SPATA7: variants seen among roughly 807,000 people sequenced by gnomAD.
SPATA7 encodes the protein spermatogenesis-associated protein 7.
In SPATA7, 43 loss-of-function variants were observed where a neutral mutation model predicts 51.8. The ratio of observed to expected loss-of-function variants is 0.83; its 90% CI spans 0.65 to 1.07. SPATA7 has a LOEUF of 1.07. Ranked by LOEUF, SPATA7 falls within the 50% of genes least tolerant of loss-of-function variation. The pLI is 0.00. For missense variants in SPATA7, 683 were observed against 701.3 expected (o/e 0.97, Z 0.30); for synonymous variants, 230 against 252.8 (o/e 0.91, Z 0.86).
chr14:88,436,752 G>C (rs2077099362), intron 10 of SPATA7, among the ~76,000 whole-genome samples: 1 of 151,986 alleles, frequency 6.6e-6, no homozygotes, highest in Admixed American at 6.6e-5. Flanking sequence ...GTGTGGATTT[G>C]TTTCTGAGTT....
chr14:88,387,272 T>G (rs1475151004), intron 1 of SPATA7, among the ~76,000 whole-genome samples: 2 of 152,210 alleles, frequency 1.3e-5, no homozygotes, highest in African/African-American at 4.8e-5. Flanking sequence ...TATTTGTTTA[T>G]TGAATTATTT....
At chr14:88,407,702 T>C in intron 4 of SPATA7, among the ~76,000 whole-genome samples, 1 of 152,226 alleles carries the variant, frequency 6.6e-6, no homozygotes, top group Non-Finnish European at 1.5e-5. Context: ...TCCTGAATGG[T>C]ATTGCCTAGG....
intron 4 of SPATA7, chr14:88,468,203 A>T (rs745890138): frequency 1.2e-6 from 2 of 1,611,980 alleles, no homozygotes; most frequent in East Asian, 4.5e-5. Flanking sequence ...ACTGGCAGAG[A>T]GTCTGCACCA....
At chr14:88,422,013 A>T (rs940240467) in intron 5 of SPATA7, among the ~76,000 whole-genome samples, 1 of 147,686 alleles carries the variant, frequency 6.8e-6, no homozygotes, top group Non-Finnish European at 1.5e-5. Context: ...GAAGAGTAAG[A>T]AGCAGGAGTT....
chr14:88,390,044 C>T (rs761914258), intron 1 of SPATA7, among the ~76,000 whole-genome samples: 1 of 152,176 alleles, frequency 6.6e-6, no homozygotes, highest in African/African-American at 2.4e-5. Context: ...CTGTCACATT[C>T]TTGTGTAATC....
At position 88,385,709 on chromosome 14, in the gene SPATA7, C is replaced by T. The variant is rs1232508107; in HGVS notation, c.-110C>T. The T allele has an allele frequency of 3.8e-6, 4 of 1,061,026 alleles. No homozygotes were observed. The highest frequency in any genetic ancestry group is 2.5e-5 in the East Asian group (1 of 39,254). 65.7% of individuals were successfully genotyped at this position (1,061,026 alleles called of 1,614,324 possible). On this transcript the variant is annotated 5_prime_UTR_variant, in exon 1 of 12. Coordinates refer to ENST00000393545, the MANE Select transcript of SPATA7 (RefSeq NM_018418.5). ...GGCAACGGTTTCCCTGCTGCTGCAG[C>T]CCCCGTCGGCTCCTCTTTTCCAGTC...
chr14:88,451,272 C>T (rs978359595), intron 3 of SPATA7, among the ~76,000 whole-genome samples: 13 of 151,924 alleles, frequency 8.6e-5, no homozygotes, highest in Admixed American at 2.6e-4. Context: ...TGGGTTCAAG[C>T]GAATCTCCTA....
intron 5 of SPATA7, among the ~76,000 whole-genome samples, chr14:88,422,619 A>G (rs1236529111): frequency 6.7e-6 from 1 of 148,400 alleles, no homozygotes; most frequent in East Asian, 1.9e-4. Context: ...TATTATTTAC[A>G]TATTATATAT....
chr14:88,403,800 A>G (rs771889204), intron 4 of SPATA7, among the ~76,000 whole-genome samples: 2 of 152,290 alleles, frequency 1.3e-5, no homozygotes, highest in Admixed American at 1.3e-4. Context: ...AGTTAATGCA[A>G]GTTGAGTAAG....
intron 1 of SPATA7, among the ~76,000 whole-genome samples, chr14:88,388,617 C>T (rs2075649421): frequency 1.3e-5 from 2 of 151,946 alleles, no homozygotes; most frequent in Admixed American, 6.6e-5. Flanking sequence ...AGGGGCTGGG[C>T]GTGTCAGCTC....
intron 4 of SPATA7, among the ~76,000 whole-genome samples, chr14:88,463,521 C>A (rs2077330803): frequency 6.6e-6 from 1 of 152,158 alleles, no homozygotes; most frequent in South Asian, 2.1e-4. Flanking sequence ...CCTATAATTT[C>A]TTGGAGTACA....
intron 4 of SPATA7, among the ~76,000 whole-genome samples, chr14:88,461,009 G>T (rs1201222884): frequency 6.6e-6 from 1 of 152,224 alleles, no homozygotes; most frequent in African/African-American, 2.4e-5. Flanking sequence ...CAGCAGCAGA[G>T]GCTGCAGAAC....
chr14:88,390,995 A>G (rs2075729129), intron 1 of SPATA7, among the ~76,000 whole-genome samples: 3 of 152,140 alleles, frequency 2.0e-5, no homozygotes. Flanking sequence ...CTATTCTGAC[A>G]AGCTTTGTTC....
downstream of SPATA7, among the ~76,000 whole-genome samples, chr14:88,443,231 C>T (rs567323422): frequency 1.0e-3 from 152 of 152,318 alleles, 2 homozygotes; most frequent in African/African-American, 3.3e-3. Flanking sequence ...GCGTGAGCCA[C>T]TGTGCCCAGC....
intron 10 of SPATA7, among the ~76,000 whole-genome samples, chr14:88,434,135 A>G (rs2077012569): frequency 6.6e-6 from 1 of 152,160 alleles, no homozygotes; most frequent in Admixed American, 6.5e-5. Flanking sequence ...CCACCACAAG[A>G]AAAAAAGTAC....
chr14:88,458,392 C>T (rs1246608261), downstream of SPATA7, among the ~76,000 whole-genome samples: 1 of 152,194 alleles, frequency 6.6e-6, no homozygotes, highest in Admixed American at 6.5e-5. Flanking sequence ...ATTATTGCCT[C>T]AATTTCAGAT....
intron 3 of SPATA7, among the ~76,000 whole-genome samples, chr14:88,449,031 A>G (rs2077233325): frequency 6.6e-6 from 1 of 151,462 alleles, no homozygotes; most frequent in Non-Finnish European, 1.5e-5. Context: ...TTTATCTTTT[A>G]TATTGTGTTT....
chr14:88,447,995 G>T (rs1309711646), intron 3 of SPATA7, among the ~76,000 whole-genome samples: 8 of 151,576 alleles, frequency 5.3e-5, no homozygotes, highest in African/African-American at 1.7e-4. Flanking sequence ...GTATCTTTGT[G>T]GCGTTCTCTG....
chr14:88,429,318 A>G (rs769120035), intron 7 of SPATA7, 30 bp from the exon 8 acceptor site: 5 of 1,384,378 alleles, frequency 3.6e-6, no homozygotes, highest in Non-Finnish European at 5.1e-6. Context: ...TTTTAAGCAA[A>G]AATAAATATT....
Sources: gnomAD v4.1 joint callset for allele counts (sites outside exome capture counted in the v4.1 genomes callset) on GRCh38, gnomAD v4.1.1 for gene constraint, MANE v1.5 for transcripts, NCBI Gene and HGNC (gene_info 2026-07-23, HGNC 2026-07-21) for gene names.